Variants in SORCS2 observed in about 807,000 individuals in gnomAD.
SORCS2 encodes VPS10 domain-containing receptor SorCS2.
Under a neutral mutation model 141.6 loss-of-function variants are expected in SORCS2, and 100 were observed. The ratio of observed to expected loss-of-function variants is 0.71; its 90% CI spans 0.60 to 0.83. The LOEUF (loss-of-function observed/expected upper bound fraction) is 0.83, where lower values mean the gene tolerates loss of function less well. Ranked by LOEUF, SORCS2 falls within the 40% of genes least tolerant of loss-of-function variation. SORCS2 has a pLI of 0.00. For missense variants in SORCS2, 1,646 were observed against 1,560.2 expected, an observed-to-expected ratio of 1.05 and a Z score of -0.93; for synonymous variants, 789 against 676.9, an observed-to-expected ratio of 1.17 and a Z score of -2.57.
chr4:7,733,340 C>A lies in SORCS2; in HGVS notation c.3127C>A (p.Gln1043Lys). 1 of 1,560,272 alleles carries A rather than the reference C, an allele frequency of 6.4e-7. No individual in the cohort carries two copies. The highest frequency in any genetic ancestry group is 1.2e-5 in the South Asian group (1 of 84,032). The change falls in exon 24 of 27, where the codon CAG (glutamine) becomes AAG (lysine). Residue 1043 changes from glutamine (Q) to lysine (K), a missense_variant. Gln to Lys is a moderately conservative substitution (Grantham distance 53). Transcript: ENST00000507866. ...SSDKRLAAIQ[Q>K]VLNAQKISFL... ...CTTGCAGAGGCTCGCCGCCATCCAG[C>A]AGGTGCTGAACGCACAGAAGATCAG...
At chr4:7,268,435 C>T (rs939086845) in intron 1 of SORCS2, among the ~76,000 whole-genome samples, 2 of 152,178 alleles carry the variant, frequency 1.3e-5, no homozygotes, top group Admixed American at 6.5e-5. Context: ...TCCCATCCCT[C>T]GTCATCCAGC....
At chr4:7,646,230 G>T (rs567622310) in intron 4 of SORCS2, among the ~76,000 whole-genome samples, 2 of 152,380 alleles carry the variant, frequency 1.3e-5, no homozygotes, top group Admixed American at 6.5e-5. Context: ...CGCACACGGG[G>T]CCGGCAGGCT....
At position 7,676,211 on chromosome 4, in the gene SORCS2, G is replaced by T. The variant is rs1467175573; in HGVS notation, c.1323G>T (p.Val441=). The T allele has an allele frequency of 6.4e-7, 1 of 1,551,368 alleles. No individual in the cohort carries two copies. The highest frequency in any genetic ancestry group is 1.4e-5 in the African/African-American group (1 of 73,182). ...VRSSRQAEES[V]LIDILEVRGV... Reference sequence around the variant, plus strand: ...GCTCACGGCAGGCGGAGGAGAGCGTGCTCATCGACATCCTGGAGGTGGGTC... The same window carrying T: ...GCTCACGGCAGGCGGAGGAGAGCGTTCTCATCGACATCCTGGAGGTGGGTC... The change falls in exon 9 of 27, where the codon GTG becomes GTT. Residue 441 remains valine (V), a synonymous_variant. Coordinates refer to ENST00000507866, the MANE Select transcript of SORCS2 (RefSeq NM_020777.3).
intron 1 of SORCS2, among the ~76,000 whole-genome samples, chr4:7,373,478 ATTTTTTTTTTTTTTTTT>A (rs71173496): frequency 1.1e-4 from 4 of 36,824 alleles, no homozygotes; most frequent in Non-Finnish European, 1.7e-4. Context: ...ATATATATAT[ATTTTTTTTTTTTTTTTT>A]TTTTTTTTTT....
chr4:7,247,322 T>G (rs1445056772), intron 1 of SORCS2, among the ~76,000 whole-genome samples: 4 of 152,150 alleles, frequency 2.6e-5, no homozygotes, highest in African/African-American at 7.2e-5. Context: ...TTTTTTGCCT[T>G]TATTGGAGGC....
At chr4:7,427,915 G>C (rs1726568575) in intron 2 of SORCS2, among the ~76,000 whole-genome samples, 1 of 152,078 alleles carries the variant, frequency 6.6e-6, no homozygotes, top group Non-Finnish European at 1.5e-5. Context: ...TTTGGAGGGG[G>C]CAGGCATCCG....
intron 2 of SORCS2, among the ~76,000 whole-genome samples, chr4:7,487,917 G>A (rs969009772): frequency 6.6e-6 from 1 of 152,124 alleles, no homozygotes; most frequent in Non-Finnish European, 1.5e-5. Context: ...ATCAGGCATA[G>A]CCTGATGTCT....
chr4:7,511,487 G>T (rs1339235439), intron 2 of SORCS2, among the ~76,000 whole-genome samples: 13 of 150,848 alleles, frequency 8.6e-5, no homozygotes, highest in Admixed American at 5.9e-4. Context: ...GGGAGGGGGG[G>T]TGGAGAGAGA....
intron 3 of SORCS2, among the ~76,000 whole-genome samples, chr4:7,550,285 C>G (rs148037977): frequency 1.1e-4 from 16 of 151,646 alleles, no homozygotes; most frequent in African/African-American, 3.9e-4. Flanking sequence ...GGGTGCCCAG[C>G]AAGGCACTGG....
intron 2 of SORCS2, among the ~76,000 whole-genome samples, chr4:7,458,923 T>C (rs1286533129): frequency 6.6e-6 from 1 of 151,996 alleles, no homozygotes; most frequent in African/African-American, 2.4e-5. Context: ...TGTGGGACCA[T>C]GTGTGCAAAG....
chr4:7,639,432 A>C (rs1463712729), intron 4 of SORCS2, among the ~76,000 whole-genome samples: 3 of 150,736 alleles, frequency 2.0e-5, no homozygotes, highest in Non-Finnish European at 4.4e-5. Flanking sequence ...GTGTATGCAC[A>C]CTTGTAAGTG....
chr4:7,464,854 G>A (rs1729520773), intron 2 of SORCS2, among the ~76,000 whole-genome samples: 1 of 152,248 alleles, frequency 6.6e-6, no homozygotes, highest in Non-Finnish European at 1.5e-5. Flanking sequence ...AAATGCAGAT[G>A]GGGAATGGGA....
At position 7,264,405 on chromosome 4, in the gene SORCS2, T is replaced by G. The variant is rs144563904; in HGVS notation, c.480+71279T>G. 1.6e-3 allele frequency among the ~76,000 whole-genome samples: 250 copies of G among 152,216 alleles called. 2 individuals carry two copies. Among genetic ancestry groups the G allele is most frequent in the African/African-American group, 5.8e-3 (243 of 41,540 alleles). On this transcript the variant is annotated intron_variant, in intron 1 of 26. Coordinates refer to ENST00000507866, the MANE Select transcript of SORCS2 (RefSeq NM_020777.3). The stretch of plus-strand genomic sequence containing the variant: ...GGGGCATGGGATGAGTGACTGCAGG[T>G]GTGGGCATCTGTCCCCTAGCTGGCC...
At chr4:7,381,393 C>A (rs541013556) in intron 1 of SORCS2, among the ~76,000 whole-genome samples, 1 of 152,278 alleles carries the variant, frequency 6.6e-6, no homozygotes, top group East Asian at 1.9e-4. Flanking sequence ...ACACTGTGTC[C>A]AAAGCCACGC....
At chr4:7,724,935 G>GTGGTGA (rs1307113659) in intron 19 of SORCS2, among the ~76,000 whole-genome samples, 1 of 59,424 alleles carries the variant, frequency 1.7e-5, no homozygotes, top group Admixed American at 1.9e-4. Flanking sequence ...GGTGGTAGTA[G>GTGGTGA]TGGTGATGGT....
At chr4:7,682,162 T>C (rs1723562285) in intron 9 of SORCS2, among the ~76,000 whole-genome samples, 2 of 152,156 alleles carry the variant, frequency 1.3e-5, no homozygotes, top group African/African-American at 4.8e-5. Flanking sequence ...TTAGGAAACC[T>C]TGAGAAAGGG....
chr4:7,385,544 A>G (rs7662100), intron 1 of SORCS2, among the ~76,000 whole-genome samples: 101,397 of 152,018 alleles, frequency 0.67, 34,011 homozygotes, highest in African/African-American at 0.7. Flanking sequence ...TGAGTCCATC[A>G]CAGCTGGGGC....
chr4:7,613,013 C>G (rs1718520409), intron 3 of SORCS2, among the ~76,000 whole-genome samples: 1 of 150,770 alleles, frequency 6.6e-6, no homozygotes, highest in African/African-American at 2.4e-5. Flanking sequence ...GACTGCAAGC[C>G]CCTCTCTCTC....
At chr4:7,403,576 G>T (rs34849258) in intron 2 of SORCS2, among the ~76,000 whole-genome samples, 28,922 of 151,740 alleles carry the variant, frequency 0.19, 2,991 homozygotes, top group Non-Finnish European at 0.23. Flanking sequence ...GAATACATAT[G>T]GTGTGGTCAT....
Sources: allele counts gnomAD v4.1 joint callset (sites outside exome capture counted in the v4.1 genomes callset), GRCh38; gene constraint gnomAD v4.1.1; transcripts MANE v1.5; gene names NCBI Gene and HGNC (gene_info 2026-07-23, HGNC 2026-07-21).